The following CACUL1 variants were observed in gnomAD, a reference collection of about 807,000 sequenced individuals.
The protein encoded by CACUL1 is CDK2-associated and cullin domain-containing protein 1.
Under a neutral mutation model 45.2 loss-of-function variants are expected in CACUL1, and 13 were observed. The observed-to-expected ratio is 0.29, with a 90% CI of 0.19 to 0.46. The LOEUF is 0.46. CACUL1 is among the 20% of genes least tolerant of loss of function. The probability of loss-of-function intolerance (pLI) is 1.00; values close to 1 mark genes in which losing one functional copy is unlikely to be tolerated. For synonymous variants in CACUL1, 197 were observed against 174.2 expected, an observed-to-expected ratio of 1.13 and a Z score of -1.03; for missense variants, 421 against 471.4, an observed-to-expected ratio of 0.89 and a Z score of 0.99.
At chr10:118,730,165 A>G in intron 2 of CACUL1, 119 bp downstream of exon 2, 1 of 1,108,828 alleles carries the variant, frequency 9.0e-7, no homozygotes, top group South Asian at 1.5e-5. Context: ...GGAATACATA[A>G]AACACTTACA....
At chr10:118,704,174 C>T (rs1589606212) in intron 4 of CACUL1, among the ~76,000 whole-genome samples, 1 of 148,828 alleles carries the variant, frequency 6.7e-6, no homozygotes, top group East Asian at 2.0e-4. Context: ...ATGGATGTTA[C>T]AGACCAGCCT....
chr10:118,691,249 A>G lies in CACUL1; in HGVS notation c.1025+16T>C, dbSNP rs1845262716. On this transcript the variant is annotated intron_variant, in intron 7 of 8. Transcript: ENST00000369151. ...ATGGACATATTTGACCACTAAAGGAAAAAAAAACAACTTGCCTTGTAAAAC... is the reference window on the plus strand; with the variant it reads ...ATGGACATATTTGACCACTAAAGGAGAAAAAAACAACTTGCCTTGTAAAAC... 2 of 1,605,922 alleles carry G rather than the reference A, an allele frequency of 1.2e-6. No individual in the cohort carries two copies. Among genetic ancestry groups the G allele is most frequent in the South Asian group, 2.2e-5 (2 of 90,088 alleles).
intron 4 of CACUL1, among the ~76,000 whole-genome samples, chr10:118,707,108 G>C (rs1845439391): frequency 6.6e-6 from 1 of 152,164 alleles, no homozygotes; most frequent in African/African-American, 2.4e-5. Flanking sequence ...TGGCAGCAAT[G>C]TTTTACTGTT....
rs77478790 is a variant in CACUL1 at position 118,687,978 on chromosome 10, T to C, written c.1026-1337A>G. 6.1e-3 allele frequency among the ~76,000 whole-genome samples: 925 copies of C among 152,362 alleles called. 8 individuals are homozygous for C. The highest frequency in any genetic ancestry group is 0.021 in the African/African-American group (874 of 41,590). On this transcript the variant is annotated intron_variant, in intron 7 of 8. Transcript: ENST00000369151. ...GTTGAATTGACAAAGTAGTAACTTG[T>C]AAATAGTCTCATGGATAAATTATTA...
At chr10:118,691,878 A>AG (rs1444729499) in intron 6 of CACUL1, among the ~76,000 whole-genome samples, 1 of 150,170 alleles carries the variant, frequency 6.7e-6, no homozygotes, top group African/African-American at 2.4e-5. Context: ...AAAAAAAAAA[A>AG]AAAAAAAAAA....
chr10:118,745,718 A>C (rs1353339040), intron 1 of CACUL1, among the ~76,000 whole-genome samples: 1 of 152,244 alleles, frequency 6.6e-6, no homozygotes, highest in Non-Finnish European at 1.5e-5. Flanking sequence ...ATTTTAAAAA[A>C]GATCCAACCA....
chr10:118,705,070 G>T (rs548133860), intron 4 of CACUL1, among the ~76,000 whole-genome samples: 1 of 152,314 alleles, frequency 6.6e-6, no homozygotes, highest in Non-Finnish European at 1.5e-5. Flanking sequence ...GAAATTCAGA[G>T]TAAGTCTGAA....
rs1240781479 is a variant in CACUL1 at position 118,686,716 on chromosome 10, A to G, written c.1026-75T>C. On this transcript the variant is annotated intron_variant, in intron 7 of 8. Coordinates refer to ENST00000369151, the MANE Select transcript of CACUL1 (RefSeq NM_153810.5). ...GAGGAAAGGATCAACATATTTGATA[A>G]TAAAAGTATAGCAGACATTTCAGTT... The G allele has an allele frequency of 2.9e-6, 3 of 1,042,156 alleles. No individual in the cohort carries two copies. In the African/African-American group the frequency reaches 4.7e-5, roughly 16 times the overall value. The allele number at this position is 1,042,156 out of a possible 1,614,324, so 64.6% of individuals were successfully genotyped here.
In CACUL1 at chr10:118,754,881, G is replaced by C. The variant is rs1001839744; in HGVS notation, c.-119C>G. 5.8e-6 allele frequency: 8 copies of C among 1,380,132 alleles called. No homozygotes were observed. In the African/African-American group the frequency reaches 6.1e-5, roughly 10 times the overall value. The allele number at this position is 1,380,132 out of a possible 1,614,324, so 85.5% of individuals were successfully genotyped here. A position where few individuals can be genotyped will look rare whatever the true frequency, so the allele number is the denominator to read the frequency against. On this transcript the variant is annotated 5_prime_UTR_variant, in exon 1 of 9. Transcript: ENST00000369151. ...GCCGGCGGCAGGAATGGGCGCAGCG[G>C]AGAGGGCTGCGGTGCGCAGGGTCTC...
chr10:118,746,276 A>G (rs1334728661), intron 1 of CACUL1, among the ~76,000 whole-genome samples: 1 of 152,222 alleles, frequency 6.6e-6, no homozygotes, highest in Non-Finnish European at 1.5e-5. Context: ...GATGGACTAA[A>G]TAAGATTAAT....
In CACUL1 at chr10:118,707,701, C is replaced by CAA. The variant is rs879008510; in HGVS notation, c.598-116_598-115dup. On this transcript the variant is annotated intron_variant, in intron 3 of 8. Coordinates refer to ENST00000369151, the MANE Select transcript of CACUL1 (RefSeq NM_153810.5). ...AATTCATACTGAGATTCACAATTAA[C>CAA]AAAAAAAAAAAAAAAGGAAGACACG... is the stretch of plus-strand genomic sequence containing the variant. The CAA allele has an allele frequency of 9.6e-3, 3,144 of 329,144 alleles. 9 individuals are homozygous for CAA. Among genetic ancestry groups the CAA allele is most frequent in the Middle Eastern group, 0.018 (24 of 1,320 alleles). 20.4% of individuals were successfully genotyped at this position (329,144 alleles called of 1,614,324 possible).
chr10:118,706,284 C>A (rs12414412), intron 4 of CACUL1, among the ~76,000 whole-genome samples: 4 of 152,124 alleles, frequency 2.6e-5, no homozygotes, highest in African/African-American at 4.8e-5. Flanking sequence ...ATTTACCCAG[C>A]CTTAATTCCT....
intron 1 of CACUL1, among the ~76,000 whole-genome samples, chr10:118,751,558 T>C (rs1270159164): frequency 6.6e-6 from 1 of 152,186 alleles, no homozygotes; most frequent in Non-Finnish European, 1.5e-5. Flanking sequence ...TTTGTTTCCT[T>C]GGTCTATTTT....
chr10:118,723,873 C>A (rs1845625472), intron 3 of CACUL1, among the ~76,000 whole-genome samples: 1 of 152,134 alleles, frequency 6.6e-6, no homozygotes, highest in Non-Finnish European at 1.5e-5. Flanking sequence ...TCAAGCAATT[C>A]TCTGTCTCAG....
rs531931287 is a variant in CACUL1 at position 118,708,850 on chromosome 10, A to G, written c.598-1263T>C. On this transcript the variant is annotated intron_variant, in intron 3 of 8. Transcript: ENST00000369151. ...CGAATAGGAAGCACCTTTGTCTTGG[A>G]CTTCCTAGCCTCCGGCACCATGAGA... 1.1e-4 allele frequency among the ~76,000 whole-genome samples: 17 copies of G among 152,300 alleles called. No individual in the cohort carries two copies. The South Asian group carries it at 3.3e-3, about 30-fold the overall frequency.
At chr10:118,749,059 A>C (rs1845871520) in intron 1 of CACUL1, among the ~76,000 whole-genome samples, 1 of 152,094 alleles carries the variant, frequency 6.6e-6, no homozygotes. Context: ...GTTCTAACCC[A>C]CTCTTACTCC....
chr10:118,754,243 G>C (rs1057389128), intron 1 of CACUL1, among the ~76,000 whole-genome samples, 153 bp downstream of exon 1: 1 of 152,202 alleles, frequency 6.6e-6, no homozygotes, highest in Non-Finnish European at 1.5e-5. Context: ...GGGACGGTGA[G>C]GGGGAAGGAG....
rs1415476471 is a variant in CACUL1, at chr10:118,683,075, C to A, written c.*3053G>T. 1 of 152,166 alleles carries A rather than the reference C, an allele frequency of 6.6e-6. No homozygotes were observed. Among genetic ancestry groups the A allele is most frequent in the East Asian group, 1.9e-4 (1 of 5,192 alleles). The allele number at this position is 152,166 out of a possible 1,614,324, so 9.4% of individuals were successfully genotyped here. ...TCAGGTTAGGGTACAGGTGTGACAA[C>A]AAAAGGTCACAAAATGACAATGTTA... On this transcript the variant is annotated 3_prime_UTR_variant, in exon 9 of 9. Transcript: ENST00000369151.
chr10:118,715,509 T>C (rs1200629173), intron 3 of CACUL1, among the ~76,000 whole-genome samples: 2 of 152,224 alleles, frequency 1.3e-5, no homozygotes, highest in Admixed American at 1.3e-4. Flanking sequence ...ATGTTCTAAA[T>C]CTGCACTGTC....
Sources: gnomAD v4.1 joint callset for allele counts (sites outside exome capture counted in the v4.1 genomes callset) on GRCh38, gnomAD v4.1.1 for gene constraint, MANE v1.5 for transcripts, NCBI Gene and HGNC (gene_info 2026-07-23, HGNC 2026-07-21) for gene names.